Variants in SSH2 observed in about 807,000 individuals in gnomAD.
The protein encoded by SSH2 is slingshot protein phosphatase 2, also known as protein phosphatase Slingshot homolog 2.
A neutral mutation model predicts 135.2 loss-of-function variants in SSH2; 37 were observed. The observed-to-expected ratio is 0.27, with a 90% CI of 0.21 to 0.36. The LOEUF (loss-of-function observed/expected upper bound fraction) is 0.36, where lower values mean the gene tolerates loss of function less well. Ranked by LOEUF, SSH2 falls within the 10% of genes least tolerant of loss-of-function variation. The pLI, the probability that SSH2 is intolerant of heterozygous loss-of-function variation, is 1.00. For missense variants in SSH2, 1,408 were observed against 1,765.3 expected (o/e 0.80, Z 3.63); for synonymous variants, 628 against 646.2 (o/e 0.97, Z 0.43).
At chr17:29,702,150 C>T (rs564787605) in intron 4 of SSH2, among the ~76,000 whole-genome samples, 20 of 151,986 alleles carry the variant, frequency 1.3e-4, no homozygotes, top group Admixed American at 1.2e-3. Flanking sequence ...GCCAGGAGTT[C>T]GACACCAGCC....
At chr17:29,720,438 A>G (rs1250184303) in intron 3 of SSH2, among the ~76,000 whole-genome samples, 3 of 152,188 alleles carry the variant, frequency 2.0e-5, no homozygotes, top group African/African-American at 7.2e-5. Flanking sequence ...TGCCAGTAGG[A>G]CCTCTTAAAA....
intron 5 of SSH2, among the ~76,000 whole-genome samples, chr17:29,691,709 C>T (rs2038484707): frequency 6.6e-6 from 1 of 151,720 alleles, no homozygotes; most frequent in South Asian, 2.1e-4. Flanking sequence ...CCAGGATGGT[C>T]TCGATCTCCT....
intron 1 of SSH2, among the ~76,000 whole-genome samples, chr17:29,889,802 CAAAAAAAAAAAAAA>C (rs534822390): frequency 1.4e-4 from 7 of 49,472 alleles, no homozygotes; most frequent in Admixed American, 1.2e-3. Flanking sequence ...CCATCTCTAC[CAAAAAAAAAAAAAA>C]AAAAAAAAAA....
intron 3 of SSH2, among the ~76,000 whole-genome samples, chr17:29,735,922 C>A (rs1371741771): frequency 6.6e-6 from 1 of 151,880 alleles, no homozygotes; most frequent in Non-Finnish European, 1.5e-5. Context: ...CGTGGAGAAA[C>A]CCCATCTCTA....
rs140112234 is a variant in SSH2, at chr17:29,782,734, C to T, written c.188+11160G>A. On this transcript the variant is annotated intron_variant, in intron 3 of 15. Transcript: ENST00000540801. The stretch of plus-strand genomic sequence containing the variant: ...CCAAGTAGCTGGGATTACAGGCATG[C>T]GCCACCACGCCTGGCTAATTTTTGT... Among the ~76,000 whole-genome samples the T allele has an allele frequency of 7.4e-3, 1,133 of 152,204 alleles. 21 individuals are homozygous for T. The highest frequency in any genetic ancestry group is 0.026 in the African/African-American group (1,076 of 41,536).
intron 3 of SSH2, among the ~76,000 whole-genome samples, chr17:29,725,855 T>G (rs961616788): frequency 6.6e-6 from 1 of 152,204 alleles, no homozygotes; most frequent in Middle Eastern, 3.4e-3. Flanking sequence ...CCATGGCACA[T>G]GTATACCTAT....
At chr17:29,707,857 C>T (rs949031651) in intron 3 of SSH2, among the ~76,000 whole-genome samples, 9 of 152,036 alleles carry the variant, frequency 5.9e-5, no homozygotes, top group African/African-American at 2.2e-4. Context: ...TTATAATAGG[C>T]GCGATACAGG....
intron 1 of SSH2, among the ~76,000 whole-genome samples, chr17:29,856,685 C>T (rs983064574): frequency 3.3e-5 from 5 of 152,172 alleles, no homozygotes; most frequent in Non-Finnish European, 7.4e-5. Context: ...AAGTCTTCCT[C>T]CATCCCCGTC....
intron 1 of SSH2, among the ~76,000 whole-genome samples, chr17:29,900,114 C>G (rs1004942096): frequency 2.0e-5 from 3 of 152,114 alleles, no homozygotes; most frequent in Admixed American, 6.6e-5. Flanking sequence ...TTCCTTACAC[C>G]TTATACAAAA....
At chr17:29,897,628 C>T (rs2066469443) in intron 1 of SSH2, among the ~76,000 whole-genome samples, 1 of 152,170 alleles carries the variant, frequency 6.6e-6, no homozygotes, top group Non-Finnish European at 1.5e-5. Flanking sequence ...ATTCATAAAG[C>T]AAGTCCTTAG....
chr17:29,668,243 C>A (rs925948532), intron 9 of SSH2, among the ~76,000 whole-genome samples: 5 of 152,334 alleles, frequency 3.3e-5, no homozygotes, highest in East Asian at 1.9e-4. Flanking sequence ...AACCCCACAA[C>A]CTTGGGGCTT....
intron 1 of SSH2, among the ~76,000 whole-genome samples, chr17:29,922,743 G>A (rs564166134): frequency 5.4e-4 from 82 of 152,294 alleles, no homozygotes; most frequent in African/African-American, 1.9e-3. Context: ...GAGCCAAGGA[G>A]TTCAAGGCTA....
At chr17:29,812,550 C>T (rs1011394388) in intron 2 of SSH2, among the ~76,000 whole-genome samples, 3 of 152,192 alleles carry the variant, frequency 2.0e-5, no homozygotes, top group Non-Finnish European at 4.4e-5. Flanking sequence ...TCCCAAAGCA[C>T]TGGGATTACA....
chr17:29,788,524 C>A (rs1315056240), intron 3 of SSH2, among the ~76,000 whole-genome samples: 1 of 152,066 alleles, frequency 6.6e-6, no homozygotes, highest in Non-Finnish European at 1.5e-5. Context: ...GACTTCTCAG[C>A]CTCAATAATG....
chr17:29,800,929 G>A (rs1020641072), intron 2 of SSH2, among the ~76,000 whole-genome samples: 15 of 150,316 alleles, frequency 1.0e-4, no homozygotes, highest in Non-Finnish European at 4.4e-5. Flanking sequence ...GCAGTGGTGC[G>A]ATCTCGGCTC....
At chr17:29,875,101 A>G (rs1190101260) in intron 1 of SSH2, among the ~76,000 whole-genome samples, 1 of 152,162 alleles carries the variant, frequency 6.6e-6, no homozygotes, top group African/African-American at 2.4e-5. Flanking sequence ...GACTGTCTGT[A>G]TATCACTCTC....
At chr17:29,638,302 G>GA (rs1351906719) in intron 14 of SSH2, among the ~76,000 whole-genome samples, 36 of 137,300 alleles carry the variant, frequency 2.6e-4, no homozygotes, top group Non-Finnish European at 3.3e-4. Context: ...AAACTAAAAG[G>GA]AAAAAAAAAA....
intron 9 of SSH2, among the ~76,000 whole-genome samples, chr17:29,668,541 G>C (rs1318672648): frequency 2.0e-5 from 3 of 151,934 alleles, no homozygotes; most frequent in Non-Finnish European, 2.9e-5. Flanking sequence ...GACTAGCCCA[G>C]GCAATTGGCA....
intron 3 of SSH2, among the ~76,000 whole-genome samples, chr17:29,719,186 T>C (rs2039731858): frequency 6.6e-6 from 1 of 152,192 alleles, no homozygotes; most frequent in Non-Finnish European, 1.5e-5. Context: ...GCCTACTGGA[T>C]AGCTGTTGTT....
Sources: gnomAD v4.1 joint callset for allele counts (sites outside exome capture counted in the v4.1 genomes callset) on GRCh38, gnomAD v4.1.1 for gene constraint, MANE v1.5 for transcripts, NCBI Gene and HGNC (gene_info 2026-07-23, HGNC 2026-07-21) for gene names.